SFSWAP: variants seen among roughly 807,000 people sequenced by gnomAD.
SFSWAP encodes splicing factor SWAP.
A neutral mutation model predicts 100.7 loss-of-function variants in SFSWAP; 17 were observed. The ratio of observed to expected loss-of-function variants is 0.17; its 90% CI spans 0.12 to 0.25. The LOEUF (loss-of-function observed/expected upper bound fraction) is 0.25, where lower values mean the gene tolerates loss of function less well. SFSWAP is among the 10% of genes least tolerant of loss of function. The pLI, the probability that SFSWAP is intolerant of heterozygous loss-of-function variation, is 1.00. For synonymous variants in SFSWAP, 504 were observed against 510.1 expected, an observed-to-expected ratio of 0.99 and a Z score of 0.16; for missense variants, 1,005 against 1,262.6, an observed-to-expected ratio of 0.80 and a Z score of 3.09.
chr12:131,791,391 A>G (rs898038595), intron 15 of SFSWAP, among the ~76,000 whole-genome samples: 6 of 151,542 alleles, frequency 4.0e-5, no homozygotes, highest in Non-Finnish European at 5.9e-5. Context: ...TCTATCTCAA[A>G]GAAAAATAAA....
chr12:131,711,639 A>C lies in SFSWAP; in HGVS notation c.218+192A>C. ...GGGACGGTGAAACCTGCCCTAAGGC[A>C]CTGGCTGGAATTGCGTGCCGCGTCC... On this transcript the variant is annotated intron_variant, in intron 1 of 17. Transcript: ENST00000261674. The surrounding 1 kb of genome is among the most constrained non-coding windows in gnomAD (Gnocchi z 4.9). The C allele has an allele frequency of 1.7e-6, 1 of 587,068 alleles. No individual in the cohort carries two copies. Among genetic ancestry groups the C allele is most frequent in the Admixed American group, 3.0e-5 (1 of 32,876 alleles). 36.4% of individuals were successfully genotyped at this position (587,068 alleles called of 1,614,324 possible).
chr12:131,732,833 T>C (rs1156448061), intron 7 of SFSWAP, among the ~76,000 whole-genome samples: 1 of 152,234 alleles, frequency 6.6e-6, no homozygotes, highest in Non-Finnish European at 1.5e-5. Context: ...ACTTGGGAAG[T>C]ACTCTAGTAG....
chr12:131,745,241 C>T (rs1024798148), intron 7 of SFSWAP, among the ~76,000 whole-genome samples: 4 of 152,136 alleles, frequency 2.6e-5, no homozygotes, highest in Admixed American at 6.5e-5. Flanking sequence ...CATTTTTATT[C>T]TTGCAATATG....
chr12:131,761,321 C>T (rs545735434), intron 11 of SFSWAP, among the ~76,000 whole-genome samples: 15 of 152,298 alleles, frequency 9.8e-5, no homozygotes, highest in African/African-American at 3.1e-4. Flanking sequence ...TGGAAGATGG[C>T]GGGTTCACTC....
intron 7 of SFSWAP, among the ~76,000 whole-genome samples, chr12:131,736,424 C>T (rs543155686): frequency 6.6e-6 from 1 of 152,022 alleles, no homozygotes; most frequent in Non-Finnish European, 1.5e-5. Flanking sequence ...AAAAAAAAAG[C>T]CTGTATGTCT....
Position 131,728,302 on chromosome 12 carries a change from G to A in SFSWAP, c.955G>A (p.Val319Ile). 3 of 1,614,250 alleles carry A rather than the reference G, an allele frequency of 1.9e-6. No homozygotes were observed. Among genetic ancestry groups the A allele is most frequent in the Non-Finnish European group, 2.5e-6 (3 of 1,180,044 alleles). Residue 319 changes from valine to isoleucine, a missense_variant, in exon 7 of 18, where the codon GTA becomes ATA. By Grantham distance (29) the Val-to-Ile change is conservative. Transcript: ENST00000261674. The stretch of plus-strand genomic sequence containing the variant: ...TCTTCTCTGTTTCCAGCCCTTGAAG[G>A]TAGTGGACCCAGATCATCCCCTCGC... ...RLEELMKPLK[V>I]VDPDHPLAAL...
chr12:131,724,169 A>G (rs1347789747), intron 4 of SFSWAP, among the ~76,000 whole-genome samples: 1 of 152,236 alleles, frequency 6.6e-6, no homozygotes, highest in African/African-American at 2.4e-5. Context: ...TAATAGAAGT[A>G]GTATATAACA....
rs1877729335 is a variant in SFSWAP at position 131,714,816 on chromosome 12, T to C, written c.389-6T>C. ...TTTGTTGATAAAATTCTCATTTTTATTCAAGAGGAAGAATACAAGCGATTG... is the reference window on the plus strand; with the variant it reads ...TTTGTTGATAAAATTCTCATTTTTACTCAAGAGGAAGAATACAAGCGATTG... On this transcript the variant is annotated splice_region_variant and splice_polypyrimidine_tract_variant and intron_variant, in intron 2 of 17. Transcript: ENST00000261674. This position sits in a 1 kb window ranked among gnomAD's most constrained non-coding sequence, Gnocchi z 6.0. The C allele has an allele frequency of 6.2e-7, 1 of 1,610,420 alleles. No individual in the cohort carries two copies. Among genetic ancestry groups the C allele is most frequent in the Non-Finnish European group, 8.5e-7 (1 of 1,178,090 alleles).
At chr12:131,759,965 G>C (rs1405028406) in intron 11 of SFSWAP, among the ~76,000 whole-genome samples, 1 of 152,172 alleles carries the variant, frequency 6.6e-6, no homozygotes, top group African/African-American at 2.4e-5. Context: ...CATTCTCTCA[G>C]ATGTTGATGA....
chr12:131,775,346 C>T (rs547884891), intron 13 of SFSWAP, among the ~76,000 whole-genome samples: 76 of 152,334 alleles, frequency 5.0e-4, no homozygotes, highest in African/African-American at 1.7e-3. Flanking sequence ...AAAGGACCTG[C>T]AGCAGCTCTG....
chr12:131,759,214 A>G (rs567242871), intron 11 of SFSWAP, among the ~76,000 whole-genome samples: 9 of 152,368 alleles, frequency 5.9e-5, no homozygotes, highest in South Asian at 2.1e-4. Context: ...CTAAGAAAAC[A>G]TAAGTGCTGA....
At position 131,766,001 on chromosome 12, in the gene SFSWAP, C is replaced by G. The variant is rs1004549047; in HGVS notation, c.1952-117C>G. 3.1e-6 allele frequency: 3 copies of G among 962,022 alleles called. No homozygotes were observed. The African/African-American group carries it at 4.9e-5, about 16-fold the overall frequency. 59.6% of individuals were successfully genotyped at this position (962,022 alleles called of 1,614,324 possible). On this transcript the variant is annotated intron_variant, in intron 12 of 17. Coordinates refer to ENST00000261674, the MANE Select transcript of SFSWAP (RefSeq NM_004592.4). ...AATTTGATTTGTCCAATGTATGTAC[C>G]TATTCAGAAACTTTAACTAACTGCA...
chr12:131,724,615 G>A (rs1015601870), intron 4 of SFSWAP, among the ~76,000 whole-genome samples: 12 of 152,240 alleles, frequency 7.9e-5, no homozygotes, highest in African/African-American at 2.9e-4. Context: ...GATATGAAAG[G>A]TATTTTAGAT....
At position 131,778,791 on chromosome 12, in the gene SFSWAP, T is replaced by TC. The variant is rs1169188117; in HGVS notation, c.2408+461_2408+462insC. The stretch of plus-strand genomic sequence containing the variant: ...CCTTGGCCTCCCAGAGTGCTGGGAT[T>TC]ACAGGCCTAAGCCACCGCGCAGGCC... On this transcript the variant is annotated intron_variant, in intron 14 of 17. Transcript: ENST00000261674. This position sits in a 1 kb window ranked among gnomAD's most constrained non-coding sequence, Gnocchi z 4.2. Among the ~76,000 whole-genome samples, 3 of 152,106 alleles carry TC rather than the reference T, an allele frequency of 2.0e-5. No homozygotes were observed. The highest frequency in any genetic ancestry group is 4.4e-5 in the Non-Finnish European group (3 of 68,032).
chr12:131,749,287 G>T (rs112008878), intron 7 of SFSWAP, among the ~76,000 whole-genome samples: 2,612 of 152,246 alleles, frequency 0.017, 84 homozygotes, highest in African/African-American at 0.058. Context: ...GGAGAATCCC[G>T]GCATGTCGTG....
At chr12:131,715,415 AC>A (rs2136174516) in intron 3 of SFSWAP, among the ~76,000 whole-genome samples, 1 of 152,318 alleles carries the variant, frequency 6.6e-6, no homozygotes, top group South Asian at 2.1e-4. Context: ...AGAAAACAGC[AC>A]AGCTTCCTGG....
chr12:131,719,383 T>C, intron 3 of SFSWAP, 71 bp from the exon 4 acceptor site: 1 of 1,090,910 alleles, frequency 9.2e-7, no homozygotes, highest in Non-Finnish European at 1.4e-6. Flanking sequence ...TGCTTCCATC[T>C]TGCTGCCTGC....
chr12:131,761,322 G>A (rs562776752), intron 11 of SFSWAP, among the ~76,000 whole-genome samples: 3 of 152,326 alleles, frequency 2.0e-5, no homozygotes, highest in African/African-American at 4.8e-5. Flanking sequence ...GGAAGATGGC[G>A]GGTTCACTCA....
At chr12:131,797,805 CGTG>C (rs1404908801) in intron 16 of SFSWAP, among the ~76,000 whole-genome samples, 1 of 152,252 alleles carries the variant, frequency 6.6e-6, no homozygotes. Context: ...GCAGCACAGA[CGTG>C]GGCGTCCCAG....
Sources: allele counts gnomAD v4.1 joint callset (sites outside exome capture counted in the v4.1 genomes callset), GRCh38; gene constraint gnomAD v4.1.1; non-coding constraint Gnocchi (gnomAD v3.1); transcripts MANE v1.5; gene names NCBI Gene and HGNC (gene_info 2026-07-23, HGNC 2026-07-21).